The following GNG12 variants were observed in gnomAD, a reference collection of about 807,000 sequenced individuals.
GNG12 encodes the protein guanine nucleotide-binding protein G(I)/G(S)/G(O) subunit gamma-12.
For missense variants in GNG12, 69 were observed against 83.8 expected (o/e 0.82, Z 0.69); for synonymous variants, 28 against 29.7 (o/e 0.94, Z 0.19).
At chr1:67,722,229 T>C (rs1376887689) in intron 2 of GNG12, among the ~76,000 whole-genome samples, 3 of 152,142 alleles carry the variant, frequency 2.0e-5, no homozygotes, top group Middle Eastern at 3.2e-3. Context: ...ATTAAATTCC[T>C]AGGGAGCCAT....
chr1:67,781,550 T>C (rs1646737780), intron 1 of GNG12, among the ~76,000 whole-genome samples: 2 of 152,136 alleles, frequency 1.3e-5, no homozygotes, highest in South Asian at 4.1e-4. Context: ...AGTTCTACAA[T>C]TTTTTTCATA....
intron 2 of GNG12, among the ~76,000 whole-genome samples, chr1:67,742,119 C>G (rs1442675330): frequency 6.6e-6 from 1 of 152,170 alleles, no homozygotes; most frequent in Non-Finnish European, 1.5e-5. Context: ...TTCTGCTTTG[C>G]TACTTAGAGG....
chr1:67,733,450 T>C (rs188335278), intron 2 of GNG12, among the ~76,000 whole-genome samples: 1 of 152,334 alleles, frequency 6.6e-6, no homozygotes, highest in Admixed American at 6.5e-5. Flanking sequence ...ACGTATATGA[T>C]GTGCATGCAT....
chr1:67,708,804 C>T (rs774920395), intron 2 of GNG12, among the ~76,000 whole-genome samples: 2 of 152,162 alleles, frequency 1.3e-5, no homozygotes, highest in African/African-American at 2.4e-5. Context: ...GCCTCCCCGG[C>T]GCTATGTGAG....
At chr1:67,791,829 C>A (rs1646803320) in intron 1 of GNG12, among the ~76,000 whole-genome samples, 1 of 152,136 alleles carries the variant, frequency 6.6e-6, no homozygotes, top group Non-Finnish European at 1.5e-5. Flanking sequence ...TCAAAACTCT[C>A]CAACAGATTC....
At chr1:67,761,112 T>C (rs1381907513) in intron 2 of GNG12, among the ~76,000 whole-genome samples, 1 of 152,220 alleles carries the variant, frequency 6.6e-6, no homozygotes, top group Non-Finnish European at 1.5e-5. Flanking sequence ...CCTTCACTTC[T>C]AGGATTCTGG....
At chr1:67,774,844 GA>G (rs1557613282) in intron 2 of GNG12, among the ~76,000 whole-genome samples, 2 of 151,114 alleles carry the variant, frequency 1.3e-5, no homozygotes, top group East Asian at 1.9e-4. Context: ...TTTTGAAGAG[GA>G]AAAAAAAGCC....
chr1:67,818,980 G>A (rs945978750), intron 1 of GNG12, among the ~76,000 whole-genome samples: 1 of 152,098 alleles, frequency 6.6e-6, no homozygotes, highest in Admixed American at 6.5e-5. Context: ...GGAACTCATA[G>A]ACAATTTTCT....
chr1:67,779,197 A>G (rs900332189), intron 1 of GNG12, among the ~76,000 whole-genome samples: 3 of 152,170 alleles, frequency 2.0e-5, no homozygotes, highest in African/African-American at 7.2e-5. Context: ...CAAGTAAAAG[A>G]ATTAAGAAAA....
intron 1 of GNG12, among the ~76,000 whole-genome samples, chr1:67,820,170 T>C (rs1407716026): frequency 2.0e-5 from 3 of 151,214 alleles, no homozygotes; most frequent in Non-Finnish European, 4.4e-5. Flanking sequence ...GGGCGGATCA[T>C]CTGAGGTCAG....
At chr1:67,748,495 C>A (rs1052553381) in intron 2 of GNG12, among the ~76,000 whole-genome samples, 1 of 152,088 alleles carries the variant, frequency 6.6e-6, no homozygotes, top group Non-Finnish European at 1.5e-5. Context: ...GCAAGAAGGG[C>A]ACAAAAAACA....
chr1:67,706,863 T>G (rs1646252073), intron 3 of GNG12, among the ~76,000 whole-genome samples: 1 of 152,076 alleles, frequency 6.6e-6, no homozygotes, highest in South Asian at 2.1e-4. Flanking sequence ...TTTCTCCATG[T>G]TGGTCAGGCT....
chr1:67,763,018 T>C (rs1049659367), intron 2 of GNG12, among the ~76,000 whole-genome samples: 1 of 150,370 alleles, frequency 6.7e-6, no homozygotes, highest in Non-Finnish European at 1.5e-5. Context: ...ACTTAGAGAA[T>C]AGTCGCAAAG....
chr1:67,762,602 A>T (rs1320604018), intron 2 of GNG12, among the ~76,000 whole-genome samples: 1 of 152,204 alleles, frequency 6.6e-6, no homozygotes, highest in Non-Finnish European at 1.5e-5. Flanking sequence ...GCATCCTTCT[A>T]CTGGAATGGG....
intron 1 of GNG12, among the ~76,000 whole-genome samples, chr1:67,779,031 G>A (rs927411934): frequency 1.3e-5 from 2 of 152,108 alleles, no homozygotes; most frequent in African/African-American, 4.8e-5. Context: ...TGGTGGCTGG[G>A]GAGGTTAATG....
intron 2 of GNG12, among the ~76,000 whole-genome samples, chr1:67,749,506 T>C (rs1408695315): frequency 6.6e-6 from 1 of 152,170 alleles, no homozygotes; most frequent in Non-Finnish European, 1.5e-5. Context: ...CCACTGCATA[T>C]ATAGTAACAC....
chr1:67,723,280 G>A (rs553312952), intron 2 of GNG12, among the ~76,000 whole-genome samples: 95 of 152,308 alleles, frequency 6.2e-4, no homozygotes, highest in African/African-American at 2.2e-3. Flanking sequence ...CACTTGGATG[G>A]GGATAGTAGG....
intron 1 of GNG12, among the ~76,000 whole-genome samples, chr1:67,815,448 C>T (rs1391566614): frequency 6.6e-6 from 1 of 152,162 alleles, no homozygotes; most frequent in Non-Finnish European, 1.5e-5. Flanking sequence ...TTAGCTTTCT[C>T]AAGAAAACTT....
At chr1:67,757,529 A>G (rs909839340) in intron 2 of GNG12, among the ~76,000 whole-genome samples, 27 of 152,332 alleles carry the variant, frequency 1.8e-4, no homozygotes, top group African/African-American at 6.3e-4. Context: ...CATACTGGAA[A>G]GGCAACCAAA....
Sources: gnomAD v4.1 joint callset for allele counts (sites outside exome capture counted in the v4.1 genomes callset) on GRCh38, gnomAD v4.1.1 for gene constraint, MANE v1.5 for transcripts, NCBI Gene and HGNC (gene_info 2026-07-23, HGNC 2026-07-21) for gene names.